Variants in MAGI2 observed in about 807,000 individuals in gnomAD.
MAGI2 encodes the protein membrane-associated guanylate kinase, WW and PDZ domain-containing protein 2.
A neutral mutation model predicts 133.3 loss-of-function variants in MAGI2; 35 were observed. The ratio of observed to expected loss-of-function variants is 0.26; its 90% CI spans 0.20 to 0.35. MAGI2 has a LOEUF of 0.35. Among genes scored for constraint, MAGI2 ranks in the 10% least tolerant of loss-of-function variants. The pLI is 1.00. For missense variants in MAGI2, 1,636 were observed against 1,863.4 expected (o/e 0.88, Z 2.25); for synonymous variants, 729 against 710.6 (o/e 1.03, Z -0.41).
In MAGI2 at chr7:78,234,704, T is replaced by C. The variant is rs376878578; in HGVS notation, c.2047+21239A>G. Among the ~76,000 whole-genome samples, 40 of 151,916 alleles carry C rather than the reference T, an allele frequency of 2.6e-4. No homozygotes were observed. The East Asian group carries it at 6.9e-3, about 26-fold the overall frequency. ...TTTATAAGGCTTTATAGCAAGATAC[T>C]GCTATAGGTGATTTCGTTCATTTAT... On this transcript the variant is annotated intron_variant, in intron 10 of 21. Coordinates refer to ENST00000354212, the MANE Select transcript of MAGI2 (RefSeq NM_012301.4).
At chr7:78,065,874 G>A (rs1324490796) in intron 21 of MAGI2, among the ~76,000 whole-genome samples, 1 of 152,202 alleles carries the variant, frequency 6.6e-6, no homozygotes, top group East Asian at 1.9e-4. Flanking sequence ...AGCTATATGT[G>A]TATTTCAAAA....
At chr7:78,715,011 C>T (rs1819567377) in intron 2 of MAGI2, among the ~76,000 whole-genome samples, 1 of 152,112 alleles carries the variant, frequency 6.6e-6, no homozygotes, top group African/African-American at 2.4e-5. Flanking sequence ...CATGATGAGA[C>T]CTCTTATATA....
At chr7:79,206,574 T>C (rs972975278) in intron 1 of MAGI2, among the ~76,000 whole-genome samples, 2 of 151,966 alleles carry the variant, frequency 1.3e-5, no homozygotes, top group Admixed American at 1.3e-4. Context: ...AAATGACTAA[T>C]AAAAAATCGG....
At chr7:78,395,178 G>A (rs1233461841) in intron 6 of MAGI2, among the ~76,000 whole-genome samples, 1 of 152,114 alleles carries the variant, frequency 6.6e-6, no homozygotes, top group Non-Finnish European at 1.5e-5. Context: ...AGTGATTCTT[G>A]TTTAATGTAA....
intron 2 of MAGI2, among the ~76,000 whole-genome samples, chr7:78,981,836 A>G (rs1044629430): frequency 3.9e-5 from 6 of 151,932 alleles, no homozygotes; most frequent in African/African-American, 1.4e-4. Flanking sequence ...TTGCAATTTC[A>G]TGTAGCACAA....
intron 9 of MAGI2, among the ~76,000 whole-genome samples, chr7:78,314,442 A>T (rs1787197146): frequency 6.6e-6 from 1 of 152,182 alleles, no homozygotes; most frequent in South Asian, 2.1e-4. Context: ...TCCTGAAAGG[A>T]AGAGGGCATG....
intron 2 of MAGI2, among the ~76,000 whole-genome samples, chr7:78,688,497 C>A (rs923177190): frequency 1.3e-5 from 2 of 152,096 alleles, no homozygotes; most frequent in African/African-American, 2.4e-5. Context: ...TGAAATAGTG[C>A]AAGGCTTTTA....
At chr7:78,169,163 G>GCCC in intron 14 of MAGI2, among the ~76,000 whole-genome samples, 1 of 152,330 alleles carries the variant, frequency 6.6e-6, no homozygotes, top group East Asian at 1.9e-4. Flanking sequence ...ACTCAGTTTA[G>GCCC]TGTGCATTAG....
intron 2 of MAGI2, among the ~76,000 whole-genome samples, chr7:78,886,627 T>TG (rs111423251): frequency 0.014 from 2,121 of 152,322 alleles, 46 homozygotes; most frequent in African/African-American, 0.049. Context: ...GAATCAGCAC[T>TG]GGGTGGATAA....
At chr7:78,506,634 G>C (rs549610943) in intron 4 of MAGI2, among the ~76,000 whole-genome samples, 1 of 152,310 alleles carries the variant, frequency 6.6e-6, no homozygotes, top group East Asian at 1.9e-4. Flanking sequence ...TTGAAGACAA[G>C]ACACTTAACT....
chr7:78,129,032 A>G (rs1385004090), intron 18 of MAGI2, among the ~76,000 whole-genome samples: 4 of 152,316 alleles, frequency 2.6e-5, no homozygotes, highest in Middle Eastern at 3.4e-3. Flanking sequence ...GGTGGTTTGG[A>G]TGTCACACTG....
intron 20 of MAGI2, among the ~76,000 whole-genome samples, chr7:78,110,384 T>G (rs1007248526): frequency 6.6e-6 from 1 of 152,136 alleles, no homozygotes; most frequent in Non-Finnish European, 1.5e-5. Context: ...CATGGGACAC[T>G]AAGATGGCAT....
intron 1 of MAGI2, among the ~76,000 whole-genome samples, chr7:79,175,559 T>C (rs1280412968): frequency 6.6e-6 from 1 of 152,006 alleles, no homozygotes; most frequent in African/African-American, 2.4e-5. Context: ...TCATGTGTCA[T>C]TTAATGACAA....
chr7:78,124,044 A>T (rs1332559509), intron 20 of MAGI2, among the ~76,000 whole-genome samples: 1 of 152,178 alleles, frequency 6.6e-6, no homozygotes, highest in African/African-American at 2.4e-5. Context: ...AGTCATTTAG[A>T]TCCCTTGTGA....
intron 7 of MAGI2, among the ~76,000 whole-genome samples, chr7:78,357,280 C>T (rs1792181948): frequency 6.6e-6 from 1 of 152,136 alleles, no homozygotes; most frequent in Non-Finnish European, 1.5e-5. Context: ...TCCCATTAAG[C>T]ACTGTGGTGG....
intron 6 of MAGI2, among the ~76,000 whole-genome samples, chr7:78,427,596 A>G (rs1799401105): frequency 1.3e-5 from 2 of 151,876 alleles, no homozygotes; most frequent in South Asian, 4.2e-4. Context: ...AAAAATAGAC[A>G]AATGTATAAT....
intron 1 of MAGI2, chr7:79,412,058 T>C (rs975054203): frequency 2.0e-5 from 3 of 152,062 alleles, no homozygotes; most frequent in African/African-American, 7.2e-5. Flanking sequence ...TTCATCACTT[T>C]TTCATTCTGG....
chr7:78,642,490 A>G (rs933317709), intron 2 of MAGI2, among the ~76,000 whole-genome samples: 8 of 152,224 alleles, frequency 5.3e-5, no homozygotes. Context: ...CTAATTTTTA[A>G]TATATTCAGT....
rs139786423 is a variant in MAGI2, at chr7:79,333,488, C to T, written c.301+119532G>A. Reference sequence around the variant, plus strand: ...TCATAAACAGCATATCTATAGAATTCCTCTTATCTATAAGCCTACCAATCC... The same window carrying T: ...TCATAAACAGCATATCTATAGAATTTCTCTTATCTATAAGCCTACCAATCC... On this transcript the variant is annotated intron_variant, in intron 1 of 21. Transcript: ENST00000354212. Among the ~76,000 whole-genome samples the T allele has an allele frequency of 7.4e-3, 1,130 of 152,226 alleles. 9 individuals are homozygous for T. Among genetic ancestry groups the T allele is most frequent in the Middle Eastern group, 0.017 (5 of 294 alleles).
Sources: allele counts gnomAD v4.1 joint callset (sites outside exome capture counted in the v4.1 genomes callset), GRCh38; gene constraint gnomAD v4.1.1; transcripts MANE v1.5; gene names NCBI Gene and HGNC (gene_info 2026-07-23, HGNC 2026-07-21).